RNF20: variants seen among roughly 807,000 people sequenced by gnomAD.
RNF20 encodes ring finger protein 20, also known as E3 ubiquitin-protein ligase BRE1A.
RNF20 carries 84 observed loss-of-function variants against 126.2 expected under a neutral mutation model. That is an observed-to-expected ratio of 0.67 (90% CI 0.56 to 0.80). The LOEUF (loss-of-function observed/expected upper bound fraction) is 0.80. Among genes scored for constraint, RNF20 ranks in the 30% least tolerant of loss-of-function variants. The probability of loss-of-function intolerance (pLI) is 0.00; values close to 1 mark genes in which losing one functional copy is unlikely to be tolerated. For synonymous variants in RNF20, 400 were observed against 414.3 expected (o/e 0.97, Z 0.42); for missense variants, 869 against 1,188.2 (o/e 0.73, Z 3.95).
intron 4 of RNF20, 34 bp downstream of exon 4, chr9:101,540,671 C>T (rs750591860): frequency 1.9e-6 from 3 of 1,609,474 alleles, no homozygotes; most frequent in Admixed American, 1.7e-5. Context: ...TCACTGCATG[C>T]TATCTGGGTT....
At chr9:101,544,982 G>A (rs938414795) in intron 6 of RNF20, 97 bp downstream of exon 6, 4 of 768,238 alleles carry the variant, frequency 5.2e-6, no homozygotes, top group Admixed American at 3.8e-5. Context: ...TACTCTAGAA[G>A]GCCTATCATA....
intron 6 of RNF20, among the ~76,000 whole-genome samples, chr9:101,545,961 A>G (rs1827340850): frequency 6.6e-6 from 1 of 152,132 alleles, no homozygotes; most frequent in Non-Finnish European, 1.5e-5. Context: ...CCTCTCCATC[A>G]TGGTAGTCTC....
At chr9:101,556,505 G>A (rs567285671) in intron 15 of RNF20, among the ~76,000 whole-genome samples, 1 of 152,176 alleles carries the variant, frequency 6.6e-6, no homozygotes, top group African/African-American at 2.4e-5. Context: ...AGAAAAGTTA[G>A]ATACATACTT....
chr9:101,558,150 T>A lies in RNF20; in HGVS notation c.2382+554T>A, dbSNP rs182183070. The stretch of plus-strand genomic sequence containing the variant: ...TACATTGTACCCAGTGTGTAGTCTA[T>A]TGTACCCAGTGTGTAGTCTGTTGTC... On this transcript the variant is annotated intron_variant, in intron 16 of 19. Coordinates refer to ENST00000389120, the MANE Select transcript of RNF20 (RefSeq NM_019592.7). Among the ~76,000 whole-genome samples, 14 of 152,100 alleles carry A rather than the reference T, an allele frequency of 9.2e-5. No homozygotes were observed. In the East Asian group the frequency reaches 2.7e-3, roughly 29 times the overall value.
At position 101,552,526 on chromosome 9, in the gene RNF20, T is replaced by C; in HGVS notation, c.1674T>C (p.Asn558=). 1 of 1,613,624 alleles carries C rather than the reference T, an allele frequency of 6.2e-7. No homozygotes were observed. Residue 558 remains asparagine, a synonymous_variant, in exon 13 of 20, where the codon AAT becomes AAC. Transcript: ENST00000389120. ...CAAAGGCATCTCAGGAGGATGCCAATGAAATCAAGTCTAAACGGGATGAAG... is the reference window on the plus strand; with the variant it reads ...CAAAGGCATCTCAGGAGGATGCCAACGAAATCAAGTCTAAACGGGATGAAG... ...SASKASQEDA[N]EIKSKRDEEE...
chr9:101,533,945 G>A (rs1263104371), intron 1 of RNF20, 31 bp downstream of exon 1: 2 of 152,360 alleles, frequency 1.3e-5, no homozygotes, highest in African/African-American at 4.8e-5. Flanking sequence ...CTGTTCCCGC[G>A]CGGCGCCAGT....
chr9:101,536,346 T>C (rs1827184548), intron 2 of RNF20, among the ~76,000 whole-genome samples: 1 of 152,274 alleles, frequency 6.6e-6, no homozygotes. Flanking sequence ...TTTTACATTT[T>C]GTAAAATGCT....
In RNF20 at chr9:101,562,602, C is replaced by G. The variant is rs1350765236; in HGVS notation, c.*180C>G. On this transcript the variant is annotated 3_prime_UTR_variant, in exon 20 of 20. Coordinates refer to ENST00000389120, the MANE Select transcript of RNF20 (RefSeq NM_019592.7). ...AGCTGGATGACTTTAGCAGAAAGGA[C>G]TGGTAAATACAAGCCTTGGGTTTCA... 1 of 540,624 alleles carries G rather than the reference C, an allele frequency of 1.8e-6. No individual in the cohort carries two copies. The highest frequency in any genetic ancestry group is 1.9e-5 in the African/African-American group (1 of 52,676). The allele number at this position is 540,624 out of a possible 1,614,324, so 33.5% of individuals were successfully genotyped here.
intron 8 of RNF20, 40 bp from the exon 9 acceptor site, chr9:101,547,359 A>G (rs1564109187): frequency 6.2e-7 from 1 of 1,612,198 alleles, no homozygotes; most frequent in Non-Finnish European, 8.5e-7. Flanking sequence ...TGATTTAAGA[A>G]GAATACTTAT....
intron 5 of RNF20, among the ~76,000 whole-genome samples, chr9:101,541,827 G>A (rs1255685947): frequency 6.6e-6 from 1 of 152,152 alleles, no homozygotes; most frequent in African/African-American, 2.4e-5. Context: ...ATGGATGAAA[G>A]AGTATTTGAA....
At chr9:101,545,920 GTTAA>G (rs1432816472) in intron 6 of RNF20, among the ~76,000 whole-genome samples, 2 of 152,124 alleles carry the variant, frequency 1.3e-5, no homozygotes, top group Non-Finnish European at 2.9e-5. Flanking sequence ...TGTCAGCTGG[GTTAA>G]TTGTCTACTG....
chr9:101,547,312 T>C, intron 8 of RNF20, 87 bp from the exon 9 acceptor site: 2 of 1,603,458 alleles, frequency 1.2e-6, no homozygotes, highest in Non-Finnish European at 1.7e-6. Context: ...GGGGTTTTGC[T>C]GGAATAGCGA....
chr9:101,561,395 C>T, intron 18 of RNF20, 165 bp downstream of exon 18: 2 of 673,288 alleles, frequency 3.0e-6, no homozygotes, highest in Middle Eastern at 4.2e-4. Flanking sequence ...GCCATATCCT[C>T]AGACTCTTTT....
chr9:101,539,963 C>G (rs1483044105), intron 2 of RNF20, among the ~76,000 whole-genome samples: 1 of 152,004 alleles, frequency 6.6e-6, no homozygotes, highest in Admixed American at 6.6e-5. Flanking sequence ...GTTTATGTGA[C>G]TAGAACAGCG....
At chr9:101,546,752 A>T in intron 6 of RNF20, 68 bp from the exon 7 acceptor site, 1 of 1,519,286 alleles carries the variant, frequency 6.6e-7, no homozygotes, top group Non-Finnish European at 9.1e-7. Context: ...CTCATAAGCA[A>T]GGGTTAATAT....
rs201143066 is a variant in RNF20, at chr9:101,551,826, T to C, written c.1408+7T>C. The C allele has an allele frequency of 3.9e-5, 62 of 1,601,628 alleles. No individual in the cohort carries two copies. Among genetic ancestry groups the C allele is most frequent in the Non-Finnish European group, 5.2e-5 (61 of 1,175,624 alleles). On this transcript the variant is annotated splice_region_variant and intron_variant, in intron 11 of 19. Transcript: ENST00000389120. ...GCTGCCAATGAACAAGCAGGTATAA[T>C]GATTCTCACTCCATGCTGTAGTTTG...
At chr9:101,541,525 T>C (rs923416836) in intron 5 of RNF20, among the ~76,000 whole-genome samples, 3 of 152,380 alleles carry the variant, frequency 2.0e-5, no homozygotes, top group Admixed American at 1.3e-4. Flanking sequence ...TATACTGATA[T>C]ACTCTATTAA....
At chr9:101,539,450 T>G (rs918897217) in intron 2 of RNF20, among the ~76,000 whole-genome samples, 1 of 152,034 alleles carries the variant, frequency 6.6e-6, no homozygotes, top group Non-Finnish European at 1.5e-5. Flanking sequence ...ATGTACTATA[T>G]AGCATATGAT....
chr9:101,535,592 G>C, intron 2 of RNF20, 40 bp downstream of exon 2: 1 of 1,580,486 alleles, frequency 6.3e-7, no homozygotes, highest in Non-Finnish European at 8.6e-7. Context: ...CTTGTCTTCT[G>C]TCAGTTGCAA....
Sources: gnomAD v4.1 joint callset for allele counts (sites outside exome capture counted in the v4.1 genomes callset) on GRCh38, gnomAD v4.1.1 for gene constraint, MANE v1.5 for transcripts, NCBI Gene and HGNC (gene_info 2026-07-23, HGNC 2026-07-21) for gene names.